Variants in KASH5 observed in about 807,000 individuals in gnomAD.
The protein encoded by KASH5 is KASH domain containing 5.
KASH5 carries 72 observed loss-of-function variants against 84.2 expected under a neutral mutation model. That is an observed-to-expected ratio of 0.85 (90% confidence interval 0.71 to 1.04). The LOEUF (loss-of-function observed/expected upper bound fraction) is 1.04, where lower values mean the gene tolerates loss of function less well. KASH5 is among the 50% of genes least tolerant of loss of function. The pLI, the probability that KASH5 is intolerant of heterozygous loss-of-function variation, is 0.00. For synonymous variants in KASH5, 260 were observed against 279.1 expected (o/e 0.93, Z 0.68); for missense variants, 650 against 701.0 (o/e 0.93, Z 0.82).
intron 16 of KASH5, among the ~76,000 whole-genome samples, chr19:49,413,288 G>T (rs774354421): frequency 9.9e-5 from 15 of 152,174 alleles, no homozygotes; most frequent in Non-Finnish European, 1.6e-4. Context: ...GTGAGGGGGG[G>T]CCTCTGGAAT....
intron 5 of KASH5, 116 bp from the exon 6 acceptor site, chr19:49,397,535 A>G: frequency 1.1e-6 from 1 of 879,552 alleles, no homozygotes; most frequent in South Asian, 1.5e-5. Context: ...AGCCCATGAG[A>G]TTCTCCAGAG....
In KASH5 at chr19:49,395,981, G is replaced by A. The variant is rs1473953202; in HGVS notation, c.400+148G>A. 11 of 647,032 alleles carry A rather than the reference G, an allele frequency of 1.7e-5. No homozygotes were observed. The highest frequency in any genetic ancestry group is 5.5e-5 in the African/African-American group (3 of 54,946). The allele number at this position is 647,032 out of a possible 1,614,324, so 40.1% of individuals were successfully genotyped here. A position where few individuals can be genotyped will look rare whatever the true frequency, so the allele number is the denominator to read the frequency against. On this transcript the variant is annotated intron_variant, in intron 5 of 19. Transcript: ENST00000447857. This position sits in a 1 kb window ranked among gnomAD's most constrained non-coding sequence, Gnocchi z 4.4. ...GTGAGTGTGGCTTTCTAGGTCCTCC[G>A]TCCCTTCCTTCCGTGAGCTTTGGGT...
chr19:49,401,777 C>T (rs866416360), intron 9 of KASH5, among the ~76,000 whole-genome samples: 2 of 152,210 alleles, frequency 1.3e-5, no homozygotes, highest in African/African-American at 4.8e-5. Context: ...CTTTGTCCTA[C>T]ATGTGCAGTG....
intron 9 of KASH5, among the ~76,000 whole-genome samples, chr19:49,402,116 C>T (rs1974379994): frequency 6.6e-6 from 1 of 151,800 alleles, no homozygotes; most frequent in African/African-American, 2.4e-5. Flanking sequence ...GTGGCACACA[C>T]CTGTAATCCC....
intron 15 of KASH5, among the ~76,000 whole-genome samples, chr19:49,411,106 A>G (rs926366333): frequency 1.3e-5 from 2 of 151,040 alleles, no homozygotes; most frequent in Non-Finnish European, 1.5e-5. Context: ...TGTGTAGCTA[A>G]ATTTTCTATT....
rs1974851873 is a variant in KASH5, at chr19:49,414,910, G to A, written c.1329-41G>A. ...CCCATAGTAGGCAAAGGGAACCAGG[G>A]AGAAGAGGACGAAGCCAGCAGTGAC... On this transcript the variant is annotated intron_variant, in intron 16 of 19. Coordinates refer to ENST00000447857, the MANE Select transcript of KASH5 (RefSeq NM_144688.5). The surrounding 1 kb of genome is among the most constrained non-coding windows in gnomAD (Gnocchi z 4.5). 1 of 1,600,510 alleles carries A rather than the reference G, an allele frequency of 6.2e-7. No individual in the cohort carries two copies. The highest frequency in any genetic ancestry group is 8.5e-7 in the Non-Finnish European group (1 of 1,173,738).
rs1487363852 is a variant in KASH5, at chr19:49,414,457, T to G, written c.1329-494T>G. Among the ~76,000 whole-genome samples, 1 of 151,972 alleles carries G rather than the reference T, an allele frequency of 6.6e-6. No homozygotes were observed. The highest frequency in any genetic ancestry group is 2.4e-5 in the African/African-American group (1 of 41,354). The stretch of plus-strand genomic sequence containing the variant: ...TCAACCCACTAGACAGGAAGGGGGT[T>G]TCGACACGTGCTCTGGGGTCTTACA... On this transcript the variant is annotated intron_variant, in intron 16 of 19. Coordinates refer to ENST00000447857, the MANE Select transcript of KASH5 (RefSeq NM_144688.5). This position sits in a 1 kb window ranked among gnomAD's most constrained non-coding sequence, Gnocchi z 4.5.
At position 49,417,804 on chromosome 19, in the gene KASH5, A is replaced by G; in HGVS notation, c.*294A>G. ...GCTAAGTCTCGGTTGCCTTGGGGTC[A>G]GGGCCTCAGTGATTCTCCTGTCCCC... On this transcript the variant is annotated 3_prime_UTR_variant, in exon 20 of 20. Transcript: ENST00000447857. The surrounding 1 kb of genome is among the most constrained non-coding windows in gnomAD (Gnocchi z 5.2). 2.9e-6 allele frequency: 1 copy of G among 344,274 alleles called. No individual in the cohort carries two copies. Among genetic ancestry groups the G allele is most frequent in the Non-Finnish European group, 5.2e-6 (1 of 191,750 alleles). The allele number at this position is 344,274 out of a possible 1,614,324, so 21.3% of individuals were successfully genotyped here. A position where few individuals can be genotyped will look rare whatever the true frequency, so the allele number is the denominator to read the frequency against.
At chr19:49,391,778 G>A (rs114327860) in intron 2 of KASH5, 73 of 152,308 alleles carry the variant, frequency 4.8e-4, no homozygotes, top group African/African-American at 1.7e-3. Flanking sequence ...GTGAACGGAC[G>A]GATGTAGGTT....
rs201400680 is a variant in KASH5, at chr19:49,417,280, C to A, written c.1547+14C>A. On this transcript the variant is annotated intron_variant, in intron 19 of 19. Coordinates refer to ENST00000447857, the MANE Select transcript of KASH5 (RefSeq NM_144688.5). This position sits in a 1 kb window ranked among gnomAD's most constrained non-coding sequence, Gnocchi z 5.2. ...ACAGCGGCTCAGGTGTGCCCCCAGG[C>A]GTCTCCAGAAGGAAGGAGGTGGTCT... 6.2e-7 allele frequency: 1 copy of A among 1,606,812 alleles called. No individual in the cohort carries two copies. The highest frequency in any genetic ancestry group is 8.5e-7 in the Non-Finnish European group (1 of 1,176,670).
chr19:49,416,416 G>A lies in KASH5; in HGVS notation c.1375-599G>A, dbSNP rs951731956. Among the ~76,000 whole-genome samples, 4 of 152,112 alleles carry A rather than the reference G, an allele frequency of 2.6e-5. No homozygotes were observed. The highest frequency in any genetic ancestry group is 9.7e-5 in the African/African-American group (4 of 41,414). ...CCATGTTGGCCAGGTTGGTCTCCAT[G>A]TCCTGACCTTGTGATCCGCCCGCTT... On this transcript the variant is annotated intron_variant, in intron 17 of 19. Transcript: ENST00000447857. The surrounding 1 kb of genome is among the most constrained non-coding windows in gnomAD (Gnocchi z 5.4).
rs548756802 is a variant in KASH5, at chr19:49,397,733, C to T, written c.467+16C>T. On this transcript the variant is annotated intron_variant, in intron 6 of 19. Coordinates refer to ENST00000447857, the MANE Select transcript of KASH5 (RefSeq NM_144688.5). ...GACCCGAGCTGTACCTATCCTCACA[C>T]CCCTCCCTGACCCTCCTGCCCACAC... The T allele has an allele frequency of 6.2e-7, 1 of 1,612,692 alleles. No individual in the cohort carries two copies. The highest frequency in any genetic ancestry group is 8.5e-7 in the Non-Finnish European group (1 of 1,179,264).
chr19:49,394,475 G>A lies in KASH5; in HGVS notation c.44-1G>A. 1.2e-6 allele frequency: 2 copies of A among 1,613,328 alleles called. No homozygotes were observed. Among genetic ancestry groups the A allele is most frequent in the East Asian group, 2.2e-5 (1 of 44,874 alleles). ...TGAGCTGAGCCCTCTTGTCTCCCCA[G>A]TGTACCTCCGGGAGCGGCCTGAGGA... On this transcript the variant is annotated splice_acceptor_variant, in intron 2 of 19. Coordinates refer to ENST00000447857, the MANE Select transcript of KASH5 (RefSeq NM_144688.5). LOFTEE classifies it high-confidence loss of function.
In KASH5 at chr19:49,407,601, G is replaced by C; in HGVS notation, c.934-11G>C. ...CTGGTCCCAGTCTCATTTGGCTTTC[G>C]GCTTTCCTAGCGCACTCGCGATGTG... On this transcript the variant is annotated splice_polypyrimidine_tract_variant and intron_variant, in intron 11 of 19. Transcript: ENST00000447857. The C allele has an allele frequency of 6.3e-7, 1 of 1,584,218 alleles. No individual in the cohort carries two copies. The highest frequency in any genetic ancestry group is 1.2e-5 in the South Asian group (1 of 86,452).
At chr19:49,394,146 C>G (rs929029915) in intron 2 of KASH5, among the ~76,000 whole-genome samples, 8 of 152,216 alleles carry the variant, frequency 5.3e-5, no homozygotes, top group African/African-American at 1.4e-4. Context: ...CCTCCCCGAC[C>G]CTGTCCCTCT....
Position 49,395,502 on chromosome 19 carries a change from G to A in KASH5, c.335+210G>A, listed in dbSNP as rs2146852267. Among the ~76,000 whole-genome samples the A allele has an allele frequency of 6.6e-6, 1 of 152,288 alleles. No individual in the cohort carries two copies. The highest frequency in any genetic ancestry group is 1.9e-4 in the East Asian group (1 of 5,180). ...TGGATGAGGAAGCAGAGGGGGTCTGGGAGACAGAAATAAAATGGGGCTGGA... is the reference window on the plus strand; with the variant it reads ...TGGATGAGGAAGCAGAGGGGGTCTGAGAGACAGAAATAAAATGGGGCTGGA... On this transcript the variant is annotated intron_variant, in intron 4 of 19. Transcript: ENST00000447857. The surrounding 1 kb of genome is among the most constrained non-coding windows in gnomAD (Gnocchi z 4.4).
rs1012808562 is a variant in KASH5, at chr19:49,414,804, C to T, written c.1329-147C>T. 1.5e-5 allele frequency: 10 copies of T among 681,468 alleles called. No homozygotes were observed. The African/African-American group carries it at 1.8e-4, about 12-fold the overall frequency. 42.2% of individuals were successfully genotyped at this position (681,468 alleles called of 1,614,324 possible). A position where few individuals can be genotyped will look rare whatever the true frequency, so the allele number is the denominator to read the frequency against. On this transcript the variant is annotated intron_variant, in intron 16 of 19. Coordinates refer to ENST00000447857, the MANE Select transcript of KASH5 (RefSeq NM_144688.5). This position sits in a 1 kb window ranked among gnomAD's most constrained non-coding sequence, Gnocchi z 4.5. ...GCTGCCTGGCCTCCCCCAGGCCCGT[C>T]CGTGCTGCCTGGCCTCCCCCAGGCC...
chr19:49,393,696 TGTG>T (rs1319219747), intron 2 of KASH5: 1 of 153,474 alleles, frequency 6.5e-6, no homozygotes, highest in African/African-American at 2.4e-5. Context: ...TGTGTGTGTG[TGTG>T]TGTGTGTGTG....
At chr19:49,397,436 G>A (rs1440699676) in intron 5 of KASH5, among the ~76,000 whole-genome samples, 1 of 152,126 alleles carries the variant, frequency 6.6e-6, no homozygotes, top group Non-Finnish European at 1.5e-5. Context: ...AAGAATGTGG[G>A]GAGTTAGGGT....
Sources: gnomAD v4.1 joint callset for allele counts (sites outside exome capture counted in the v4.1 genomes callset) on GRCh38, gnomAD v4.1.1 for gene constraint, Gnocchi (gnomAD v3.1) non-coding constraint, MANE v1.5 for transcripts, NCBI Gene and HGNC (gene_info 2026-07-23, HGNC 2026-07-21) for gene names.